Variants in NTN4 observed in about 807,000 individuals in gnomAD.
The protein encoded by NTN4 is netrin 4.
A neutral mutation model predicts 73.6 loss-of-function variants in NTN4; 32 were observed. That is an observed-to-expected ratio of 0.44 (90% confidence interval 0.33 to 0.58). The LOEUF is 0.58. NTN4 is among the 20% of genes least tolerant of loss of function. The probability of loss-of-function intolerance (pLI) is 0.04; values close to 1 mark genes in which losing one functional copy is unlikely to be tolerated. For synonymous variants in NTN4, 258 were observed against 287.5 expected (o/e 0.90, Z 1.04); for missense variants, 654 against 798.3 (o/e 0.82, Z 2.18).
intron 8 of NTN4, among the ~76,000 whole-genome samples, chr12:95,666,756 C>T (rs2078183692): frequency 6.6e-6 from 1 of 152,174 alleles, no homozygotes; most frequent in Non-Finnish European, 1.5e-5. Context: ...ATATATTTTG[C>T]ATATTCCAAA....
Position 95,682,833 on chromosome 12 carries a change from A to G in NTN4, c.1395-11T>C. 6.6e-7 allele frequency: 1 copy of G among 1,519,568 alleles called. No homozygotes were observed. Among genetic ancestry groups the G allele is most frequent in the East Asian group, 2.3e-5 (1 of 44,360 alleles). 94.1% of individuals were successfully genotyped at this position (1,519,568 alleles called of 1,614,324 possible). On this transcript the variant is annotated splice_polypyrimidine_tract_variant and intron_variant, in intron 6 of 9. Coordinates refer to ENST00000343702, the MANE Select transcript of NTN4 (RefSeq NM_021229.4). ...TCTATGTCTGTGTGGCTAACAAAAT[A>G]GAACATGATAAAGAACGTATTCAGG...
chr12:95,746,254 C>T (rs531953319), intron 2 of NTN4, among the ~76,000 whole-genome samples: 2 of 152,306 alleles, frequency 1.3e-5, no homozygotes, highest in South Asian at 4.1e-4. Context: ...CGATTGATAA[C>T]ACCCAAAGCC....
At chr12:95,699,682 G>A (rs2078468709) in intron 5 of NTN4, among the ~76,000 whole-genome samples, 1 of 152,084 alleles carries the variant, frequency 6.6e-6, no homozygotes, top group South Asian at 2.1e-4. Flanking sequence ...AAGATAGCTG[G>A]TTCATTTGGG....
At chr12:95,685,586 C>T (rs918960814) in intron 5 of NTN4, among the ~76,000 whole-genome samples, 4 of 152,208 alleles carry the variant, frequency 2.6e-5, no homozygotes, top group Admixed American at 2.0e-4. Context: ...TCATGCTGCA[C>T]CTTCTCAACT....
intron 5 of NTN4, among the ~76,000 whole-genome samples, chr12:95,687,183 A>ATTATTT (rs1399959239): frequency 1.2e-4 from 18 of 151,578 alleles, no homozygotes; most frequent in Admixed American, 2.6e-4. Context: ...CATCATTATT[A>ATTATTT]TTTTTTCCAT....
At chr12:95,737,717 C>G in intron 3 of NTN4, 149 bp downstream of exon 3, 1 of 681,596 alleles carries the variant, frequency 1.5e-6, no homozygotes, top group Non-Finnish European at 2.4e-6. Context: ...GACAAGTTAA[C>G]AGGCACTTTA....
At chr12:95,741,576 A>T (rs1477512797) in intron 2 of NTN4, among the ~76,000 whole-genome samples, 1 of 144,432 alleles carries the variant, frequency 6.9e-6, no homozygotes, top group Non-Finnish European at 1.5e-5. Flanking sequence ...TTTGATCTAA[A>T]ATCTACTTTG....
chr12:95,703,808 T>C (rs1278494616), intron 5 of NTN4, among the ~76,000 whole-genome samples: 1 of 152,242 alleles, frequency 6.6e-6, no homozygotes, highest in African/African-American at 2.4e-5. Flanking sequence ...AATAGAGATG[T>C]AAACCTTCGT....
At chr12:95,733,453 T>G (rs2078752929) in intron 3 of NTN4, among the ~76,000 whole-genome samples, 1 of 152,170 alleles carries the variant, frequency 6.6e-6, no homozygotes, top group African/African-American at 2.4e-5. Context: ...GATAATACAA[T>G]AGAATCATGA....
At chr12:95,729,632 A>T (rs5005321) in intron 3 of NTN4, among the ~76,000 whole-genome samples, 29,061 of 123,724 alleles carry the variant, frequency 0.23, 3,325 homozygotes, top group Non-Finnish European at 0.3. Flanking sequence ...AGAGAGAGAG[A>T]GTGTGTGTGT....
intron 7 of NTN4, among the ~76,000 whole-genome samples, chr12:95,676,050 A>G (rs1367695067): frequency 6.6e-6 from 1 of 152,198 alleles, no homozygotes; most frequent in Non-Finnish European, 1.5e-5. Flanking sequence ...TTTTCAAAGA[A>G]TAGATATAAT....
At chr12:95,775,173 T>C (rs1400366181) in intron 2 of NTN4, among the ~76,000 whole-genome samples, 1 of 152,232 alleles carries the variant, frequency 6.6e-6, no homozygotes, top group Non-Finnish European at 1.5e-5. Flanking sequence ...CATTTTCCCA[T>C]ACCTTAAAAC....
intron 2 of NTN4, among the ~76,000 whole-genome samples, chr12:95,750,558 C>T (rs1390124093): frequency 2.0e-5 from 3 of 152,150 alleles, no homozygotes; most frequent in Non-Finnish European, 2.9e-5. Context: ...TAATTCTTGT[C>T]GTAAAATAGG....
At chr12:95,773,473 G>A (rs2079071627) in intron 2 of NTN4, among the ~76,000 whole-genome samples, 1 of 152,092 alleles carries the variant, frequency 6.6e-6, no homozygotes, top group African/African-American at 2.4e-5. Context: ...CTTTTTGAGG[G>A]CCCGCATGCC....
chr12:95,774,055 T>C (rs1449476380), intron 2 of NTN4, among the ~76,000 whole-genome samples: 2 of 152,174 alleles, frequency 1.3e-5, no homozygotes, highest in East Asian at 3.9e-4. Flanking sequence ...TTCTATCTAA[T>C]GTAAAAGCAG....
rs11829462 is a variant in NTN4 at position 95,730,176 on chromosome 12, A to G, written c.864+7690T>C. ...CTGTTAGATTCATTTTTGCACTTTT[A>G]CAGTGCCCCAATTTTGACCTAAATA... On this transcript the variant is annotated intron_variant, in intron 3 of 9. Coordinates refer to ENST00000343702, the MANE Select transcript of NTN4 (RefSeq NM_021229.4). Among the ~76,000 whole-genome samples the G allele has an allele frequency of 5.8e-3, 890 of 152,298 alleles. 13 individuals are homozygous for G. Among genetic ancestry groups the G allele is most frequent in the African/African-American group, 0.02 (831 of 41,568 alleles).
chr12:95,766,989 T>C (rs1321577145), intron 2 of NTN4, among the ~76,000 whole-genome samples: 4 of 152,234 alleles, frequency 2.6e-5, no homozygotes, highest in Admixed American at 2.6e-4. Context: ...TACATTTTAC[T>C]CAAGAATCTT....
Position 95,683,658 on chromosome 12 carries a change from A to C in NTN4, c.1234T>G (p.Phe412Val), listed in dbSNP as rs1262022420. The C allele has an allele frequency of 1.9e-6, 3 of 1,613,888 alleles. No homozygotes were observed. Among genetic ancestry groups the C allele is most frequent in the Non-Finnish European group, 1.7e-6 (2 of 1,179,908 alleles). The change falls in exon 6 of 10, where the codon TTC (phenylalanine) becomes GTC (valine). Residue 412 changes from phenylalanine (F) to valine (V), a missense_variant. By Grantham distance (50) the Phe-to-Val change is conservative. Coordinates refer to ENST00000343702, the MANE Select transcript of NTN4 (RefSeq NM_021229.4). ...SAVLPANSVTFCDPSNGDCPC... is the reference protein window; with the variant it reads ...SAVLPANSVTVCDPSNGDCPC... ...CAGTCACCATTGCTGGGGTCGCAGA[A>C]GGTCACTGAGTTGGCAGGAAGGACA... is the stretch of plus-strand genomic sequence containing the variant.
intron 2 of NTN4, among the ~76,000 whole-genome samples, chr12:95,753,970 C>T (rs2078929089): frequency 6.6e-6 from 1 of 152,170 alleles, no homozygotes; most frequent in African/African-American, 2.4e-5. Context: ...CTTGTTTACA[C>T]TGCCGGTTTA....
Sources: allele counts gnomAD v4.1 joint callset (sites outside exome capture counted in the v4.1 genomes callset), GRCh38; gene constraint gnomAD v4.1.1; transcripts MANE v1.5; gene names NCBI Gene and HGNC (gene_info 2026-07-23, HGNC 2026-07-21).